CGNL1: variants seen among roughly 807,000 people sequenced by gnomAD.
CGNL1 encodes cingulin-like protein 1.
CGNL1 carries 132 observed loss-of-function variants against 141.2 expected under a neutral mutation model. The ratio of observed to expected loss-of-function variants is 0.93; its 90% CI spans 0.81 to 1.08. The LOEUF is 1.08. Among genes scored for constraint, CGNL1 ranks in the 50% least tolerant of loss-of-function variants. The probability of loss-of-function intolerance (pLI) is 0.00; values close to 1 mark genes in which losing one functional copy is unlikely to be tolerated. For synonymous variants in CGNL1, 690 were observed against 622.1 expected (o/e 1.11, Z -1.63); for missense variants, 1,870 against 1,588.6 (o/e 1.18, Z -3.01).
At chr15:57,518,332 G>A (rs2030990430) in intron 9 of CGNL1, 61 bp from the exon 10 acceptor site, 1 of 1,229,146 alleles carries the variant, frequency 8.1e-7, no homozygotes, top group Non-Finnish European at 1.2e-6. Flanking sequence ...TAATTCCATT[G>A]AGTCAGTTTC....
intron 8 of CGNL1, among the ~76,000 whole-genome samples, chr15:57,485,308 T>C (rs921254563): frequency 2.0e-5 from 3 of 152,196 alleles, no homozygotes; most frequent in Admixed American, 6.5e-5. Context: ...AGGTTTGTTT[T>C]ATGGCTCAGG....
rs142665757 is a variant in CGNL1 at position 57,516,116 on chromosome 15, G to A, written c.2404-664G>A. 5.9e-3 allele frequency among the ~76,000 whole-genome samples: 815 copies of A among 138,722 alleles called. 19 individuals are homozygous for A. Among genetic ancestry groups the A allele is most frequent in the African/African-American group, 0.02 (752 of 36,854 alleles). The allele number at this position is 138,722 out of a possible 152,430, so 91.0% of individuals were successfully genotyped here. A position where few individuals can be genotyped will look rare whatever the true frequency, so the allele number is the denominator to read the frequency against. On this transcript the variant is annotated intron_variant, in intron 8 of 18. Transcript: ENST00000281282. Reference sequence around the variant, plus strand: ...GGAGCTTGCAGTGAGCCGACATCGCGCCACTGCACTCCAGCCTGGGGGACA... The same window carrying A: ...GGAGCTTGCAGTGAGCCGACATCGCACCACTGCACTCCAGCCTGGGGGACA...
intron 1 of CGNL1, among the ~76,000 whole-genome samples, chr15:57,380,729 C>G (rs1706376): frequency 0.56 from 84,498 of 151,992 alleles, 24,799 homozygotes; most frequent in Non-Finnish European, 0.64. Flanking sequence ...TGGCAGGTGT[C>G]TTTTGCTTCT....
At chr15:57,452,039 G>A in intron 5 of CGNL1, 102 bp from the exon 6 acceptor site, 3 of 988,560 alleles carry the variant, frequency 3.0e-6, no homozygotes, top group Non-Finnish European at 4.4e-6. Context: ...GTTTAATAAT[G>A]TAAGTGCAAA....
chr15:57,495,073 G>A (rs1040036238), intron 8 of CGNL1, among the ~76,000 whole-genome samples: 1 of 152,118 alleles, frequency 6.6e-6, no homozygotes, highest in African/African-American at 2.4e-5. Context: ...TCCTTCTGGG[G>A]GCTTTATAGG....
chr15:57,439,254 CTCCGGCCT>C lies in CGNL1; in HGVS notation c.1259_1266del (p.Arg420ProfsTer54). On this transcript the variant is annotated frameshift_variant, in exon 2 of 19. Coordinates refer to ENST00000281282, the MANE Select transcript of CGNL1 (RefSeq NM_032866.5). LOFTEE classifies it high-confidence loss of function. ...CTTGGGCAAGTCAAGCGAACACCTC[CTCCGGCCT>C]TCCCAGGTGTGCCCGCAGCGGCCAC... The C allele has an allele frequency of 6.2e-7, 1 of 1,614,114 alleles. No homozygotes were observed. The highest frequency in any genetic ancestry group is 1.1e-5 in the South Asian group (1 of 91,088).
In CGNL1 at chr15:57,379,368, A is replaced by G. The variant is rs111379669; in HGVS notation, c.-16+2801A>G. Among the ~76,000 whole-genome samples, 68 of 152,346 alleles carry G rather than the reference A, an allele frequency of 4.5e-4. 1 individual carries two copies. The highest frequency in any genetic ancestry group is 1.6e-3 in the African/African-American group (65 of 41,572). On this transcript the variant is annotated intron_variant, in intron 1 of 18. Transcript: ENST00000281282. Reference sequence around the variant, plus strand: ...AGAAAGTAAGTGAAGAAAAATATGAAGAAAGGGTTAGTGAGATACTTTTTC... The same window carrying G: ...AGAAAGTAAGTGAAGAAAAATATGAGGAAAGGGTTAGTGAGATACTTTTTC...
intron 8 of CGNL1, among the ~76,000 whole-genome samples, chr15:57,475,507 G>A (rs1220568848): frequency 1.8e-5 from 2 of 111,098 alleles, no homozygotes; most frequent in African/African-American, 6.0e-5. Flanking sequence ...GTGTGTGTGT[G>A]TGTGTGTGTG....
Position 57,523,603 on chromosome 15 carries a change from T to C in CGNL1, c.2830T>C (p.Trp944Arg). Residue 944 changes from tryptophan to arginine, a missense_variant, in exon 11 of 19, where the codon TGG becomes CGG. Coordinates refer to ENST00000281282, the MANE Select transcript of CGNL1 (RefSeq NM_032866.5). Reference sequence around the variant, plus strand: ...GAAGAACGAGATGGAGAATGAGCGGTGGCACCTGGGCAAAACCATTGAGAA... The same window carrying C: ...GAAGAACGAGATGGAGAATGAGCGGCGGCACCTGGGCAAAACCATTGAGAA... Reference protein sequence around the residue: ...RLKNEMENERWHLGKTIEKLQ... With the variant: ...RLKNEMENERRHLGKTIEKLQ... 1 of 1,614,086 alleles carries C rather than the reference T, an allele frequency of 6.2e-7. No homozygotes were observed. The highest frequency in any genetic ancestry group is 8.5e-7 in the Non-Finnish European group (1 of 1,180,006).
chr15:57,396,587 C>T (rs1188140983), intron 1 of CGNL1, among the ~76,000 whole-genome samples: 2 of 152,126 alleles, frequency 1.3e-5, no homozygotes, highest in African/African-American at 4.8e-5. Context: ...TGTGTTCATT[C>T]TTGTACATGA....
At chr15:57,393,750 A>T (rs2062568762) in intron 1 of CGNL1, among the ~76,000 whole-genome samples, 1 of 152,120 alleles carries the variant, frequency 6.6e-6, no homozygotes, top group African/African-American at 2.4e-5. Context: ...ACATGATCTT[A>T]GTATATATCC....
At chr15:57,509,864 C>A (rs1210242310) in intron 8 of CGNL1, among the ~76,000 whole-genome samples, 2 of 152,298 alleles carry the variant, frequency 1.3e-5, no homozygotes, top group Admixed American at 1.3e-4. Context: ...TTGAAGCATG[C>A]TGTTTGGCTG....
chr15:57,515,317 A>G (rs2030679578), intron 8 of CGNL1, among the ~76,000 whole-genome samples: 1 of 152,222 alleles, frequency 6.6e-6, no homozygotes, highest in South Asian at 2.1e-4. Flanking sequence ...CCTTTGGGCC[A>G]TGAAAGGATG....
At chr15:57,532,830 C>T (rs74016266) in intron 14 of CGNL1, among the ~76,000 whole-genome samples, 14,099 of 152,244 alleles carry the variant, frequency 0.093, 1,534 homozygotes, top group African/African-American at 0.26. Context: ...GCACTTTTCC[C>T]TCTATGGCCA....
intron 1 of CGNL1, among the ~76,000 whole-genome samples, chr15:57,394,925 A>C (rs1176434703): frequency 6.6e-6 from 1 of 152,220 alleles, no homozygotes; most frequent in African/African-American, 2.4e-5. Flanking sequence ...CAGCCTGGCC[A>C]ACATGGTGAA....
At chr15:57,446,920 G>A (rs528886363) in intron 4 of CGNL1, among the ~76,000 whole-genome samples, 38 of 151,852 alleles carry the variant, frequency 2.5e-4, no homozygotes, top group South Asian at 1.3e-3. Context: ...ACTATCGTAC[G>A]GTTTAAATAC....
At position 57,547,372 on chromosome 15, in the gene CGNL1, G is replaced by T. The variant is rs748451714; in HGVS notation, c.3791G>T (p.Ser1264Ile). Residue 1264 changes from serine (S) to isoleucine (I), a missense_variant, in exon 19 of 19, where the codon AGT becomes ATT. Transcript: ENST00000281282. ...TTCAGCAGACTGAAGAAGCTGCCGA[G>T]TAAAGTGCTGGATGACATGGATGAC... is the stretch of plus-strand genomic sequence containing the variant. ...KKDLRLKKLP[S>I]KVLDDMDDDD... 8 of 1,614,064 alleles carry T rather than the reference G, an allele frequency of 5.0e-6. 1 individual carries two copies. In the East Asian group the frequency reaches 6.7e-5, roughly 13 times the overall value.
intron 1 of CGNL1, among the ~76,000 whole-genome samples, chr15:57,406,253 G>T (rs2062721735): frequency 6.6e-6 from 1 of 152,204 alleles, no homozygotes; most frequent in Non-Finnish European, 1.5e-5. Context: ...CTGCCTGGGG[G>T]AAGGGCACTG....
At chr15:57,547,179 G>C (rs1195621336) in intron 18 of CGNL1, among the ~76,000 whole-genome samples, 176 bp from the exon 19 acceptor site, 1 of 152,214 alleles carries the variant, frequency 6.6e-6, no homozygotes, top group Non-Finnish European at 1.5e-5. Context: ...AATGGGGGCG[G>C]TGGACTCCCT....
Sources: gnomAD v4.1 joint callset for allele counts (sites outside exome capture counted in the v4.1 genomes callset) on GRCh38, gnomAD v4.1.1 for gene constraint, MANE v1.5 for transcripts, NCBI Gene and HGNC (gene_info 2026-07-23, HGNC 2026-07-21) for gene names.